COP1: variants seen among roughly 807,000 people sequenced by gnomAD.
COP1 encodes the protein E3 ubiquitin-protein ligase COP1.
A neutral mutation model predicts 101.3 loss-of-function variants in COP1; 24 were observed. The ratio of observed to expected loss-of-function variants is 0.24; its 90% CI spans 0.17 to 0.33. The LOEUF is 0.33. Among genes scored for constraint, COP1 ranks in the 10% least tolerant of loss-of-function variants. The probability of loss-of-function intolerance (pLI) is 1.00; values close to 1 mark genes in which losing one functional copy is unlikely to be tolerated. For synonymous variants in COP1, 347 were observed against 341.9 expected, an observed-to-expected ratio of 1.01 and a Z score of -0.17; for missense variants, 663 against 906.2, an observed-to-expected ratio of 0.73 and a Z score of 3.45.
intron 11 of COP1, among the ~76,000 whole-genome samples, chr1:176,066,324 T>C (rs1485346702): frequency 6.6e-6 from 1 of 152,176 alleles, no homozygotes; most frequent in Non-Finnish European, 1.5e-5. Context: ...TAAGTGTTTG[T>C]GCCTTTTCTC....
intron 8 of COP1, among the ~76,000 whole-genome samples, chr1:176,117,292 C>T (rs1311602923): frequency 6.6e-6 from 1 of 152,108 alleles, no homozygotes; most frequent in Non-Finnish European, 1.5e-5. Flanking sequence ...GTCTTTGTAA[C>T]CCAAAACCAA....
rs990962633 is a variant in COP1 at position 175,989,349 on chromosome 1, G to C, written c.1847+13C>G. 2.3e-6 allele frequency: 3 copies of C among 1,329,930 alleles called. No individual in the cohort carries two copies. The highest frequency in any genetic ancestry group is 1.7e-5 in the Admixed American group (1 of 59,648). The allele number at this position is 1,329,930 out of a possible 1,614,324, so 82.4% of individuals were successfully genotyped here. ...CTGTATTAAGCTCAACCTCTGAGGA[G>C]AGTAATACTCACGCAGAGACAATTT... is the stretch of plus-strand genomic sequence containing the variant. On this transcript the variant is annotated intron_variant, in intron 16 of 19. Coordinates refer to ENST00000367669, the MANE Select transcript of COP1 (RefSeq NM_022457.7).
chr1:176,167,406 CTGAATGAATGAATGAATGAA>C lies in COP1; in HGVS notation c.566-3535_566-3516del, dbSNP rs58699487. 4.0e-5 allele frequency among the ~76,000 whole-genome samples: 6 copies of C among 150,966 alleles called. No individual in the cohort carries two copies. The East Asian group carries it at 7.8e-4, about 20-fold the overall frequency. ...ACGCATAGTAGGCGCCTGGTATTTG[CTGAATGAATGAATGAATGAA>C]TGAATGAATGAATGAATGAAATCTT... On this transcript the variant is annotated intron_variant, in intron 3 of 19. Transcript: ENST00000367669.
intron 10 of COP1, among the ~76,000 whole-genome samples, chr1:176,081,839 A>G (rs1045117064): frequency 6.6e-6 from 1 of 152,210 alleles, no homozygotes; most frequent in Non-Finnish European, 1.5e-5. Flanking sequence ...TGAACTATTA[A>G]TTCTAAAAAA....
intron 6 of COP1, among the ~76,000 whole-genome samples, chr1:176,143,025 A>C (rs968885440): frequency 2.0e-5 from 3 of 152,038 alleles, no homozygotes; most frequent in Non-Finnish European, 4.4e-5. Context: ...ACAGAAAACA[A>C]ACAAAACAGA....
intron 8 of COP1, among the ~76,000 whole-genome samples, chr1:176,118,384 T>A (rs1242556742): frequency 6.6e-6 from 1 of 151,856 alleles, no homozygotes; most frequent in Non-Finnish European, 1.5e-5. Flanking sequence ...GGTACAAACA[T>A]AAAATTACAC....
intron 1 of COP1, among the ~76,000 whole-genome samples, chr1:176,188,468 C>T (rs1698733900): frequency 6.6e-6 from 1 of 152,044 alleles, no homozygotes; most frequent in South Asian, 2.1e-4. Context: ...TTTAGAAAAA[C>T]AATCCATTCA....
chr1:175,965,871 C>T (rs991724789), intron 18 of COP1, among the ~76,000 whole-genome samples: 4 of 151,984 alleles, frequency 2.6e-5, no homozygotes, highest in South Asian at 2.1e-4. Flanking sequence ...CGTGAGCCAC[C>T]GCACCCAGCC....
intron 9 of COP1, among the ~76,000 whole-genome samples, chr1:176,104,370 A>T (rs1294519404): frequency 6.6e-6 from 1 of 152,104 alleles, no homozygotes; most frequent in Non-Finnish European, 1.5e-5. Context: ...AAAAAAATAA[A>T]ATAGGAAGAA....
chr1:176,151,377 G>GAA (rs1384242123), intron 5 of COP1, among the ~76,000 whole-genome samples: 1 of 109,802 alleles, frequency 9.1e-6, no homozygotes, highest in Non-Finnish European at 2.2e-5. Flanking sequence ...AAGAAAGAAA[G>GAA]AAAGAAAGAA....
intron 15 of COP1, among the ~76,000 whole-genome samples, chr1:176,002,408 GGTTA>G (rs1474945932): frequency 6.6e-6 from 1 of 151,744 alleles, no homozygotes; most frequent in Non-Finnish European, 1.5e-5. Flanking sequence ...ACATAGTGCA[GGTTA>G]GTTACATATG....
In COP1 at chr1:176,031,708, T is replaced by C. The variant is rs577411358; in HGVS notation, c.1613-4020A>G. Reference sequence around the variant, plus strand: ...AAACATACTCTAGTTGGCCATAAATTTGTTACTTAACACTAAGTGTTCTAT... The same window carrying C: ...AAACATACTCTAGTTGGCCATAAATCTGTTACTTAACACTAAGTGTTCTAT... On this transcript the variant is annotated intron_variant, in intron 14 of 19. Transcript: ENST00000367669. Among the ~76,000 whole-genome samples, 18 of 152,272 alleles carry C rather than the reference T, an allele frequency of 1.2e-4. No homozygotes were observed. In the South Asian group the frequency reaches 3.1e-3, roughly 26 times the overall value.
intron 15 of COP1, among the ~76,000 whole-genome samples, chr1:176,021,029 A>C (rs2149024715): frequency 6.6e-6 from 1 of 152,266 alleles, no homozygotes; most frequent in East Asian, 1.9e-4. Flanking sequence ...GATGGACTGC[A>C]GTGGCACAAT....
chr1:176,057,572 A>G (rs1182029895), intron 11 of COP1, among the ~76,000 whole-genome samples: 1 of 152,136 alleles, frequency 6.6e-6, no homozygotes, highest in African/African-American at 2.4e-5. Flanking sequence ...CCTAACCGCG[A>G]GTGATCCGCC....
At chr1:175,988,266 T>C (rs1040565698) in intron 17 of COP1, 22 bp downstream of exon 17, 2 of 1,582,124 alleles carry the variant, frequency 1.3e-6, no homozygotes, top group African/African-American at 1.4e-5. Context: ...AAAAAGTTCC[T>C]GGAAACGATG....
chr1:175,958,676 A>G (rs898136187), intron 18 of COP1, among the ~76,000 whole-genome samples: 3 of 144,876 alleles, frequency 2.1e-5, no homozygotes, highest in Non-Finnish European at 4.7e-5. Flanking sequence ...ATGAGAATAA[A>G]TAATGTTATA....
At chr1:176,145,426 T>G (rs1358281010) in intron 6 of COP1, among the ~76,000 whole-genome samples, 1 of 152,134 alleles carries the variant, frequency 6.6e-6, no homozygotes, top group Non-Finnish European at 1.5e-5. Context: ...TAATACAACT[T>G]GTTTTGAAAA....
chr1:175,995,569 C>T (rs990038819), intron 15 of COP1, among the ~76,000 whole-genome samples: 2 of 152,134 alleles, frequency 1.3e-5, no homozygotes, highest in African/African-American at 2.4e-5. Context: ...CGGGATATCA[C>T]CACCGATCCC....
chr1:176,024,200 A>G (rs924366220), intron 15 of COP1, among the ~76,000 whole-genome samples: 26 of 152,224 alleles, frequency 1.7e-4, no homozygotes, highest in African/African-American at 6.0e-4. Context: ...CAGAGGTTGC[A>G]GTGAGCCAAT....
Sources: gnomAD v4.1 joint callset for allele counts (sites outside exome capture counted in the v4.1 genomes callset) on GRCh38, gnomAD v4.1.1 for gene constraint, MANE v1.5 for transcripts, NCBI Gene and HGNC (gene_info 2026-07-23, HGNC 2026-07-21) for gene names.